LRRC19: variants seen among roughly 807,000 people sequenced by gnomAD.
LRRC19 encodes leucine rich repeat containing 19.
In LRRC19, 33 loss-of-function variants were observed where a neutral mutation model predicts 33.3. The ratio of observed to expected loss-of-function variants is 0.99; its 90% CI spans 0.75 to 1.33. The LOEUF is 1.33. LRRC19 is among the 40% of genes most tolerant of loss of function. LRRC19 has a pLI of 0.00. For synonymous variants in LRRC19, 184 were observed against 152.3 expected (o/e 1.21, Z -1.53); for missense variants, 463 against 417.3 (o/e 1.11, Z -0.95).
chr9:27,001,380 CT>C (rs149845939), intron 1 of LRRC19, among the ~76,000 whole-genome samples: 1,930 of 152,098 alleles, frequency 0.013, 39 homozygotes, highest in African/African-American at 0.045. Context: ...TTTAAGGAAC[CT>C]TCATACTGCT....
intron 2 of LRRC19, 138 bp downstream of exon 2, chr9:26,999,476 G>A (rs1828356716): frequency 1.9e-6 from 1 of 520,862 alleles, no homozygotes. Flanking sequence ...TTGGAATTTG[G>A]ATATACAGAG....
rs1194700603 is a variant in LRRC19 at position 26,995,632 on chromosome 9, G to A, written c.1002C>T (p.Asn334=). The A allele has an allele frequency of 6.2e-7, 1 of 1,613,472 alleles. No individual in the cohort carries two copies. Among genetic ancestry groups the A allele is most frequent in the East Asian group, 2.2e-5 (1 of 44,810 alleles). ...CAAATATTACTGTAGTTTCTTCAGA[G>A]TTTGTTTCTGGTATCTGTGAAAGAG... The part of the protein sequence containing the change: ...PSSLSQIPET[N]SEETTVIFEQ... Residue 334 remains asparagine (N), a synonymous_variant, in exon 5 of 5, where the codon AAC becomes AAT. Transcript: ENST00000380055.
chr9:26,999,616 T>G lies in LRRC19; in HGVS notation c.79A>C (p.Arg27=), dbSNP rs1828365258. 1 of 1,591,762 alleles carries G rather than the reference T, an allele frequency of 6.3e-7. No individual in the cohort carries two copies. The highest frequency in any genetic ancestry group is 2.2e-5 in the East Asian group (1 of 44,696). Residue 27 remains arginine, a splice_region_variant and synonymous_variant, in exon 2 of 5, where the codon AGA becomes CGA. Transcript: ENST00000380055. ...LLSDKIQSSK[R]EVQCNFTEKN... is the part of the protein sequence containing the mutation. ...CTATTTTGATTGTAAAAACTTACTC[T>G]TTTAGAAGACTGGATTTTGTCTGAT...
In LRRC19 at chr9:26,994,293, C is replaced by T. The variant is rs1221497075; in HGVS notation, c.*1228G>A. The stretch of plus-strand genomic sequence containing the variant: ...GTGCTCCATGCCTGTAATCCCAGCA[C>T]TTTGGGAGGCCGAGGCGGGTAGATC... On this transcript the variant is annotated 3_prime_UTR_variant, in exon 5 of 5. Coordinates refer to ENST00000380055, the MANE Select transcript of LRRC19 (RefSeq NM_022901.3). 2.0e-5 allele frequency: 3 copies of T among 152,150 alleles called. No individual in the cohort carries two copies. The highest frequency in any genetic ancestry group is 7.2e-5 in the African/African-American group (3 of 41,430). The allele number at this position is 152,150 out of a possible 1,614,324, so 9.4% of individuals were successfully genotyped here.
chr9:27,004,830 C>G (rs973583041), intron 1 of LRRC19, among the ~76,000 whole-genome samples: 5 of 151,650 alleles, frequency 3.3e-5, no homozygotes, highest in African/African-American at 1.2e-4. Context: ...TGCATTTTTA[C>G]CTAGCATATG....
rs1554669957 is a variant in LRRC19 at position 26,997,899 on chromosome 9, C to G, written c.424G>C (p.Val142Leu). The change falls in exon 3 of 5, where the codon GTG becomes CTG. Residue 142 changes from valine to leucine, a missense_variant. Transcript: ENST00000380055. ...KIEQLNADVF[V>L]PLRSLKLLNL... ...AGAAGTTTTAGGCTTCTTAGAGGCACAAATACATCAGCATTCAGTTGTTCT... is the reference window on the plus strand; with the variant it reads ...AGAAGTTTTAGGCTTCTTAGAGGCAGAAATACATCAGCATTCAGTTGTTCT... 2 of 1,614,130 alleles carry G rather than the reference C, an allele frequency of 1.2e-6. No individual in the cohort carries two copies. The highest frequency in any genetic ancestry group is 1.7e-6 in the Non-Finnish European group (2 of 1,180,012).
intron 1 of LRRC19, among the ~76,000 whole-genome samples, chr9:27,000,306 T>C (rs1476821230): frequency 6.6e-6 from 1 of 152,202 alleles, no homozygotes; most frequent in African/African-American, 2.4e-5. Context: ...ATTTTAAAAA[T>C]TTAATATAGA....
Position 27,001,364 on chromosome 9 carries a change from T to C in LRRC19, c.-9-1661A>G, listed in dbSNP as rs139305535. Among the ~76,000 whole-genome samples, 484 of 152,118 alleles carry C rather than the reference T, an allele frequency of 3.2e-3. 5 individuals are homozygous for C. The highest frequency in any genetic ancestry group is 0.019 in the South Asian group (94 of 4,822). Reference sequence around the variant, plus strand: ...AATGTAAATGTAAGTGTTATATTTTTAGTTTTTTAAGGAACCTTCATACTG... The same window carrying C: ...AATGTAAATGTAAGTGTTATATTTTCAGTTTTTTAAGGAACCTTCATACTG... On this transcript the variant is annotated intron_variant, in intron 1 of 4. Coordinates refer to ENST00000380055, the MANE Select transcript of LRRC19 (RefSeq NM_022901.3).
At chr9:27,003,756 A>T (rs1013796912) in intron 1 of LRRC19, among the ~76,000 whole-genome samples, 2 of 152,196 alleles carry the variant, frequency 1.3e-5, no homozygotes, top group Non-Finnish European at 2.9e-5. Context: ...CCTATATTTT[A>T]TAAAATTTGG....
Position 26,995,834 on chromosome 9 carries a change from C to T in LRRC19, c.800G>A (p.Gly267Glu). The change falls in exon 5 of 5, where the codon GGA becomes GAA. Residue 267 changes from glycine to glutamate, a missense_variant. Physicochemically the swap from Gly to Glu is moderately conservative, Grantham distance 98. Coordinates refer to ENST00000380055, the MANE Select transcript of LRRC19 (RefSeq NM_022901.3). Reference protein sequence around the residue: ...LTRNSEHEPLGKSWAFLVGVV... With the variant: ...LTRNSEHEPLEKSWAFLVGVV... ...ACCAACAAGAAAAGCCCAACTTTTTCCAAGAGGTTCATGTTCTTTAATGGA... is the reference window on the plus strand; with the variant it reads ...ACCAACAAGAAAAGCCCAACTTTTTTCAAGAGGTTCATGTTCTTTAATGGA... 8 of 1,601,932 alleles carry T rather than the reference C, an allele frequency of 5.0e-6. No individual in the cohort carries two copies. The South Asian group carries it at 5.6e-5, about 11-fold the overall frequency.
intron 1 of LRRC19, among the ~76,000 whole-genome samples, chr9:27,004,612 A>G (rs890424136): frequency 1.3e-5 from 2 of 152,244 alleles, no homozygotes; most frequent in Admixed American, 1.3e-4. Context: ...GAAATTATCC[A>G]TCAGTCAGTT....
Position 26,994,945 on chromosome 9 carries a change from G to C in LRRC19, c.*576C>G, listed in dbSNP as rs1045864110. ...TCAATAGTGACTTATTAGGGATTAT[G>C]CCTGAACATTGTGCTTGTGCTTTAA... On this transcript the variant is annotated 3_prime_UTR_variant, in exon 5 of 5. Coordinates refer to ENST00000380055, the MANE Select transcript of LRRC19 (RefSeq NM_022901.3). The C allele has an allele frequency of 1.3e-5, 2 of 152,430 alleles. No homozygotes were observed. The highest frequency in any genetic ancestry group is 4.8e-5 in the African/African-American group (2 of 41,442). 9.4% of individuals were successfully genotyped at this position (152,430 alleles called of 1,614,324 possible). A position where few individuals can be genotyped will look rare whatever the true frequency, so the allele number is the denominator to read the frequency against.
In LRRC19 at chr9:26,995,580, CA is replaced by C; in HGVS notation, c.1053del (p.Asp351GlufsTer11). On this transcript the variant is annotated frameshift_variant, in exon 5 of 5. Transcript: ENST00000380055. LOFTEE classifies it high-confidence loss of function. ...TATTTGTCTTCAATAAATCCATCATCATCTACCACAAATGAATGTAATTGTT... is the reference window on the plus strand; with the variant it reads ...TATTTGTCTTCAATAAATCCATCATCTCTACCACAAATGAATGTAATTGTT... ...IFEQLHSFVV[D>X]DDGFIEDKYI... is the part of the protein sequence containing the mutation. 6.3e-7 allele frequency: 1 copy of C among 1,599,916 alleles called. No homozygotes were observed. Among genetic ancestry groups the C allele is most frequent in the Non-Finnish European group, 8.6e-7 (1 of 1,167,630 alleles).
intron 4 of LRRC19, 105 bp downstream of exon 4, chr9:26,996,206 A>G: frequency 5.4e-6 from 4 of 741,546 alleles, no homozygotes; most frequent in Non-Finnish European, 7.9e-6. Flanking sequence ...GAGATGAGGA[A>G]TCTTTCTTTT....
Position 26,995,482 on chromosome 9 carries a change from G to A in LRRC19, c.*39C>T, listed in dbSNP as rs756387436. 8.4e-7 allele frequency: 1 copy of A among 1,186,348 alleles called. No individual in the cohort carries two copies. Among genetic ancestry groups the A allele is most frequent in the Non-Finnish European group, 1.2e-6 (1 of 846,988 alleles). The allele number at this position is 1,186,348 out of a possible 1,614,324, so 73.5% of individuals were successfully genotyped here. ...AAATCTCCATATCTAAACTGAGTGAGCTGATAACTTTGCTTTAAAAAGCAA... is the reference window on the plus strand; with the variant it reads ...AAATCTCCATATCTAAACTGAGTGAACTGATAACTTTGCTTTAAAAAGCAA... On this transcript the variant is annotated 3_prime_UTR_variant, in exon 5 of 5. Transcript: ENST00000380055.
chr9:27,004,024 G>T (rs1563965710), intron 1 of LRRC19, among the ~76,000 whole-genome samples: 1 of 151,882 alleles, frequency 6.6e-6, no homozygotes, highest in African/African-American at 2.4e-5. Context: ...GGGAAGTGCT[G>T]TTTTTTTTCC....
intron 1 of LRRC19, among the ~76,000 whole-genome samples, chr9:27,002,387 G>T (rs1828545281): frequency 6.6e-6 from 1 of 152,256 alleles, no homozygotes; most frequent in Non-Finnish European, 1.5e-5. Flanking sequence ...CGAAAAGAGA[G>T]TCAGCCCTCC....
chr9:27,002,435 A>T (rs1352628978), intron 1 of LRRC19, among the ~76,000 whole-genome samples: 2 of 152,240 alleles, frequency 1.3e-5, no homozygotes, highest in Non-Finnish European at 2.9e-5. Context: ...TTGAGGTCTT[A>T]TTAAAGTCTT....
chr9:26,997,857 A>G lies in LRRC19; in HGVS notation c.466T>C (p.Leu156=). 1.2e-6 allele frequency: 2 copies of G among 1,614,204 alleles called. No homozygotes were observed. Among genetic ancestry groups the G allele is most frequent in the Non-Finnish European group, 8.5e-7 (1 of 1,180,036 alleles). The change falls in exon 3 of 5, where the codon TTG becomes CTG. Residue 156 remains leucine (L), a synonymous_variant. Transcript: ENST00000380055. ...GGTGGTACATCCAAATAGCTAATCAAATTGCCTTGCAGATTCAGAAGTTTT... is the reference window on the plus strand; with the variant it reads ...GGTGGTACATCCAAATAGCTAATCAGATTGCCTTGCAGATTCAGAAGTTTT... ...SLKLLNLQGN[L]ISYLDVPPLF...
Sources: gnomAD v4.1 joint callset for allele counts (sites outside exome capture counted in the v4.1 genomes callset) on GRCh38, gnomAD v4.1.1 for gene constraint, MANE v1.5 for transcripts, NCBI Gene and HGNC (gene_info 2026-07-23, HGNC 2026-07-21) for gene names.